The following TOX3 variants were observed in gnomAD, a reference collection of about 807,000 sequenced individuals.
TOX3 encodes CAG trinucleotide repeat-containing gene F9 protein.
Under a neutral mutation model 64.3 loss-of-function variants are expected in TOX3, and 22 were observed. The ratio of observed to expected loss-of-function variants is 0.34; its 90% CI spans 0.24 to 0.49. TOX3 has a LOEUF of 0.49. Among genes scored for constraint, TOX3 ranks in the 20% least tolerant of loss-of-function variants. TOX3 has a pLI of 0.99. For synonymous variants in TOX3, 291 were observed against 273.6 expected, an observed-to-expected ratio of 1.06 and a Z score of -0.63; for missense variants, 661 against 714.4, an observed-to-expected ratio of 0.93 and a Z score of 0.85.
intron 1 of TOX3, among the ~76,000 whole-genome samples, chr16:52,508,881 T>G (rs1962229314): frequency 6.6e-6 from 1 of 152,134 alleles, no homozygotes; most frequent in Admixed American, 6.5e-5. Context: ...TATAAAACAA[T>G]TCAGAGGTAT....
chr16:52,501,661 AAAAC>A lies in TOX3; in HGVS notation c.88-33091_88-33088del, dbSNP rs1190735412. ...GGTGACAAAGCAAGACTCTATCTCA[AAAAC>A]AAACAAACAAACAAACAAAAAAAAA... On this transcript the variant is annotated intron_variant, in intron 1 of 6. Coordinates refer to ENST00000219746, the MANE Select transcript of TOX3 (RefSeq NM_001080430.4). 5.1e-4 allele frequency among the ~76,000 whole-genome samples: 77 copies of A among 150,236 alleles called. No individual in the cohort carries two copies. The East Asian group carries it at 7.5e-3, about 15-fold the overall frequency.
intron 1 of TOX3, among the ~76,000 whole-genome samples, chr16:52,534,111 T>C (rs980398654): frequency 3.3e-5 from 5 of 152,144 alleles, no homozygotes; most frequent in African/African-American, 1.2e-4. Flanking sequence ...GAATATCCAT[T>C]GTGGACAATG....
At chr16:52,538,219 T>C (rs1219350390) in intron 1 of TOX3, among the ~76,000 whole-genome samples, 1 of 152,210 alleles carries the variant, frequency 6.6e-6, no homozygotes, top group Non-Finnish European at 1.5e-5. Flanking sequence ...ATTAACTGTT[T>C]GATATTTCTA....
intron 2 of TOX3, among the ~76,000 whole-genome samples, chr16:52,466,035 A>G (rs1960855129): frequency 6.6e-6 from 1 of 152,196 alleles, no homozygotes; most frequent in Admixed American, 6.5e-5. Context: ...TAATGAGCAT[A>G]ACCCTATGGT....
intron 1 of TOX3, among the ~76,000 whole-genome samples, chr16:52,510,799 A>G (rs1382552022): frequency 1.5e-5 from 2 of 136,210 alleles, no homozygotes; most frequent in Non-Finnish European, 3.2e-5. Flanking sequence ...AGAAGAAGAA[A>G]AAGAAAATTT....
intron 1 of TOX3, among the ~76,000 whole-genome samples, chr16:52,505,230 T>C (rs557066153): frequency 8.5e-5 from 13 of 152,322 alleles, no homozygotes; most frequent in Middle Eastern, 3.4e-3. Context: ...CTGAACCTTC[T>C]CATTTCACTA....
At chr16:52,519,296 TA>T in intron 1 of TOX3, 2 of 1,093,146 alleles carry the variant, frequency 1.8e-6, no homozygotes. Context: ...ATCTTATTCT[TA>T]AACTAGAAAT....
intron 1 of TOX3, among the ~76,000 whole-genome samples, chr16:52,502,951 T>A (rs1411515001): frequency 1.3e-5 from 2 of 152,116 alleles, no homozygotes; most frequent in Non-Finnish European, 2.9e-5. Context: ...CTATACAAAC[T>A]ATATCACCCC....
chr16:52,462,089 A>G (rs1405851407), intron 3 of TOX3, among the ~76,000 whole-genome samples: 2 of 152,270 alleles, frequency 1.3e-5, no homozygotes, highest in East Asian at 3.9e-4. Context: ...TCAAGCCAAA[A>G]TAAATATCAC....
At chr16:52,466,696 C>T (rs1428474516) in intron 2 of TOX3, among the ~76,000 whole-genome samples, 2 of 152,012 alleles carry the variant, frequency 1.3e-5, no homozygotes, top group African/African-American at 4.8e-5. Context: ...CAATATGTCC[C>T]TATGGTATAA....
At chr16:52,490,821 G>A (rs1023318916) in intron 1 of TOX3, among the ~76,000 whole-genome samples, 3 of 151,536 alleles carry the variant, frequency 2.0e-5, no homozygotes, top group Admixed American at 1.3e-4. Flanking sequence ...TAGAGACAAG[G>A]TTTCTCTATG....
Position 52,439,877 on chromosome 16 carries a change from G to A in TOX3, c.1079C>T (p.Thr360Ile). 2 of 1,613,848 alleles carry A rather than the reference G, an allele frequency of 1.2e-6. No homozygotes were observed. Among genetic ancestry groups the A allele is most frequent in the African/African-American group, 1.3e-5 (1 of 75,026 alleles). Reference sequence around the variant, plus strand: ...CACTGTTCCATGTTGAGACAGTGGAGTGTTGAGAAGGAGAGAGGATGTTAG... The same window carrying A: ...CACTGTTCCATGTTGAGACAGTGGAATGTTGAGAAGGAGAGAGGATGTTAG... ...TNLTSSLLLN[T>I]PLSQHGTVSA... Residue 360 changes from threonine to isoleucine, a missense_variant, in exon 7 of 7, where the codon ACT becomes ATT. By Grantham distance (89) the Thr-to-Ile change is moderately conservative. Coordinates refer to ENST00000219746, the MANE Select transcript of TOX3 (RefSeq NM_001080430.4).
chr16:52,493,130 T>C (rs1961742326), intron 1 of TOX3, among the ~76,000 whole-genome samples: 1 of 152,150 alleles, frequency 6.6e-6, no homozygotes, highest in Non-Finnish European at 1.5e-5. Flanking sequence ...AATAGGCACC[T>C]GGAATCGGTG....
intron 5 of TOX3, chr16:52,445,524 G>A (rs1251761805): frequency 6.5e-6 from 1 of 153,242 alleles, no homozygotes; most frequent in Non-Finnish European, 1.5e-5. Flanking sequence ...AATGAACTTG[G>A]AATAAAATTT....
intron 1 of TOX3, among the ~76,000 whole-genome samples, chr16:52,506,169 A>C (rs1962156878): frequency 6.6e-6 from 1 of 152,338 alleles, no homozygotes; most frequent in South Asian, 2.1e-4. Flanking sequence ...CACTGCAATT[A>C]AAAGTCTTCT....
chr16:52,468,927 T>C (rs1302556339), intron 1 of TOX3, among the ~76,000 whole-genome samples: 1 of 152,202 alleles, frequency 6.6e-6, no homozygotes, highest in Non-Finnish European at 1.5e-5. Context: ...CTTGACACAT[T>C]TTAAAAGCAT....
At position 52,464,334 on chromosome 16, in the gene TOX3, C is replaced by T. The variant is rs1458453300; in HGVS notation, c.154-146G>A. The stretch of plus-strand genomic sequence containing the variant: ...TTCTCAAATGAAAATATCTTAAACA[C>T]AGATTTCCATATATAAAGTTTTGCT... On this transcript the variant is annotated intron_variant, in intron 2 of 6. Coordinates refer to ENST00000219746, the MANE Select transcript of TOX3 (RefSeq NM_001080430.4). 5 of 961,902 alleles carry T rather than the reference C, an allele frequency of 5.2e-6. No individual in the cohort carries two copies. In the African/African-American group the frequency reaches 8.4e-5, roughly 16 times the overall value. 59.6% of individuals were successfully genotyped at this position (961,902 alleles called of 1,614,324 possible).
chr16:52,445,795 C>G, intron 5 of TOX3, 199 bp downstream of exon 5: 1 of 579,932 alleles, frequency 1.7e-6, no homozygotes, highest in Non-Finnish European at 3.0e-6. Context: ...GAACATGCAC[C>G]CATAAGCTGA....
At chr16:52,526,834 T>C (rs1052438123) in intron 1 of TOX3, among the ~76,000 whole-genome samples, 2 of 152,242 alleles carry the variant, frequency 1.3e-5, no homozygotes, top group Non-Finnish European at 2.9e-5. Context: ...TGCTACAGAC[T>C]TTCTTAAGAC....
Sources: allele counts gnomAD v4.1 joint callset (sites outside exome capture counted in the v4.1 genomes callset), GRCh38; gene constraint gnomAD v4.1.1; transcripts MANE v1.5; gene names NCBI Gene and HGNC (gene_info 2026-07-23, HGNC 2026-07-21).